Variants in NXT2 observed in about 807,000 individuals in gnomAD.
NXT2 encodes the protein nuclear transport factor 2 like export factor 2.
Under a neutral mutation model 9.6 loss-of-function variants are expected in NXT2, and 1 was observed. The ratio of observed to expected loss-of-function variants is 0.10; its 90% CI spans 0.04 to 0.49. NXT2 has a LOEUF of 0.49. NXT2 is among the 20% of genes least tolerant of loss of function. NXT2 has a pLI of 0.95. For synonymous variants in NXT2, 22 were observed against 35.4 expected (o/e 0.62, Z 1.34); for missense variants, 48 against 100.3 (o/e 0.48, Z 2.23).
At chrX:109,537,707 G>T (rs1452668245) in intron 1 of NXT2, among the ~76,000 whole-genome samples, 1 of 111,166 alleles carries the variant, frequency 9.0e-6, no homozygotes, top group Non-Finnish European at 1.9e-5. Context: ...AGGTTCAGGT[G>T]GTGTCATTTT....
At position 109,536,873 on chromosome X, in the gene NXT2, A is replaced by C. The variant is rs1933285083; in HGVS notation, c.-134A>C. Reference sequence around the variant, plus strand: ...CGAGCTACTTCCGGGAGAGAATGGGAGGGTGGAAAATTTTGTGCGTTTGGC... The same window carrying C: ...CGAGCTACTTCCGGGAGAGAATGGGCGGGTGGAAAATTTTGTGCGTTTGGC... On this transcript the variant is annotated 5_prime_UTR_variant, in exon 1 of 4. Coordinates refer to ENST00000372106, the MANE Select transcript of NXT2 (RefSeq NM_001242617.2). The C allele has an allele frequency of 5.1e-6, 6 of 1,173,509 alleles. 1 individual carries two copies. The highest frequency in any genetic ancestry group is 4.7e-5 in the Admixed American group (2 of 42,381).
At chrX:109,541,400 T>C (rs1288091917) in intron 2 of NXT2, 75 bp from the exon 3 acceptor site, 1 of 944,536 alleles carries the variant, frequency 1.1e-6, no homozygotes, top group African/African-American at 2.0e-5. Flanking sequence ...ATCTGTAATA[T>C]TTTAATCCAT....
chrX:109,539,030 A>C (rs994878110), intron 2 of NXT2, among the ~76,000 whole-genome samples: 8 of 108,546 alleles, frequency 7.4e-5, no homozygotes, highest in African/African-American at 2.7e-4. Flanking sequence ...CTAGCCCCCC[A>C]CCCCCTGACA....
At chrX:109,536,127 C>A (rs986273363), upstream of NXT2, 1 of 426,286 alleles carries the variant, frequency 2.3e-6, no homozygotes, top group Non-Finnish European at 4.1e-6. Flanking sequence ...AGTTTGTGAC[C>A]GTAGGCAGAT....
chrX:109,537,910 A>C, intron 1 of NXT2, 135 bp from the exon 2 acceptor site: 1 of 388,130 alleles, frequency 2.6e-6, no homozygotes, highest in Non-Finnish European at 4.5e-6. Context: ...AAATGTCTGA[A>C]TTTATATGAA....
chrX:109,536,969 C>T lies in NXT2; in HGVS notation c.-38C>T, dbSNP rs752636225. 15 of 1,211,675 alleles carry T rather than the reference C, an allele frequency of 1.2e-5. No homozygotes were observed. Among genetic ancestry groups the T allele is most frequent in the Non-Finnish European group, 1.2e-5 (11 of 895,432 alleles). On this transcript the variant is annotated 5_prime_UTR_variant, in exon 1 of 4. In the 5' UTR this introduces an upstream ATG that the reference lacks. Coordinates refer to ENST00000372106, the MANE Select transcript of NXT2 (RefSeq NM_001242617.2). ...GACCGGACACGTGAGGAGGTAGTGA[C>T]GCCGACACTGCCAGAACACACTGCT...
chrX:109,536,712 G>T, upstream of NXT2: 1 of 577,010 alleles, frequency 1.7e-6, no homozygotes, highest in Non-Finnish European at 2.5e-6. Context: ...TGAGTATCAT[G>T]TTTACAAAAG....
intron 2 of NXT2, among the ~76,000 whole-genome samples, chrX:109,539,247 C>T (rs968836864): frequency 2.7e-5 from 3 of 112,136 alleles, no homozygotes; most frequent in African/African-American, 9.7e-5. Context: ...TGTATATGTG[C>T]CACATTTTCT....
chrX:109,536,365 G>A (rs1419622634), upstream of NXT2, among the ~76,000 whole-genome samples: 1 of 112,776 alleles, frequency 8.9e-6, no homozygotes, highest in Non-Finnish European at 1.9e-5. Context: ...ATTTTAAAAT[G>A]CCAGAATGGA....
rs944035603 is a variant in NXT2 at position 109,537,703 on chromosome X, A to G, written c.16-342A>G. Among the ~76,000 whole-genome samples the G allele has an allele frequency of 3.6e-5, 4 of 111,500 alleles. No homozygotes were observed. In the Admixed American group the frequency reaches 3.8e-4, roughly 11 times the overall value. On this transcript the variant is annotated intron_variant, in intron 1 of 3. Transcript: ENST00000372106. ...CGCTCTCTCTCCTTTTCTAAGGTTC[A>G]GGTGGTGTCATTTTCATTGCCGTGA...
intron 1 of NXT2, among the ~76,000 whole-genome samples, 199 bp from the exon 2 acceptor site, chrX:109,537,846 C>G (rs1421989896): frequency 8.9e-6 from 1 of 112,116 alleles, no homozygotes; most frequent in African/African-American, 3.2e-5. Context: ...TAAAGACATG[C>G]ACTTAAAATT....
intron 1 of NXT2, among the ~76,000 whole-genome samples, chrX:109,537,639 A>G (rs1292481719): frequency 9.0e-6 from 1 of 111,707 alleles, no homozygotes; most frequent in Non-Finnish European, 1.9e-5. Flanking sequence ...ACTTGAAAAC[A>G]GAAAACAATT....
Position 109,537,002 on chromosome X carries a change from C to T in NXT2, c.-5C>T. ...CTGCCAGAACACACTGCTACAAGGT[C>T]CCAGATGGCCACGTCTCTGGTGAGT... On this transcript the variant is annotated 5_prime_UTR_variant, in exon 1 of 4. Transcript: ENST00000372106. 1 of 1,211,212 alleles carries T rather than the reference C, an allele frequency of 8.3e-7. No individual in the cohort carries two copies. The highest frequency in any genetic ancestry group is 2.2e-5 in the Admixed American group (1 of 46,059).
In NXT2 at chrX:109,536,972, C is replaced by G; in HGVS notation, c.-35C>G. 8.3e-7 allele frequency: 1 copy of G among 1,211,674 alleles called. No homozygotes were observed. The highest frequency in any genetic ancestry group is 1.1e-6 in the Non-Finnish European group (1 of 895,418). On this transcript the variant is annotated 5_prime_UTR_variant, in exon 1 of 4. Transcript: ENST00000372106. ...CGGACACGTGAGGAGGTAGTGACGC[C>G]GACACTGCCAGAACACACTGCTACA...
chrX:109,542,244 T>C lies in NXT2; in HGVS notation c.248-263T>C, dbSNP rs1425105409. On this transcript the variant is annotated intron_variant, in intron 3 of 3. Coordinates refer to ENST00000372106, the MANE Select transcript of NXT2 (RefSeq NM_001242617.2). ...AATATTTATATATATATGAAGCAAA[T>C]GGTCCTATGCTAGATATAAGCTCCT... 1.9e-4 allele frequency among the ~76,000 whole-genome samples: 21 copies of C among 111,356 alleles called. 3 individuals are homozygous for C. The South Asian group carries it at 2.2e-3, about 12-fold the overall frequency.
In NXT2 at chrX:109,538,028, TG is replaced by T; in HGVS notation, c.16-15del. 1 of 1,123,832 alleles carries T rather than the reference TG, an allele frequency of 8.9e-7. No homozygotes were observed. The highest frequency in any genetic ancestry group is 1.2e-6 in the Non-Finnish European group (1 of 817,313). The allele number at this position is 1,123,832 out of a possible 1,213,427, so 92.6% of individuals were successfully genotyped here. A position where few individuals can be genotyped will look rare whatever the true frequency, so the allele number is the denominator to read the frequency against. On this transcript the variant is annotated splice_polypyrimidine_tract_variant and intron_variant, in intron 1 of 3. Transcript: ENST00000372106. ...TGAAAAGGTTGGTAATCTATACTTCTGGAATTTTTCTTGTAGGATTTTAAAA... is the reference window on the plus strand; with the variant it reads ...TGAAAAGGTTGGTAATCTATACTTCTGAATTTTTCTTGTAGGATTTTAAAA...
upstream of NXT2, chrX:109,535,893 A>G: frequency 8.4e-7 from 1 of 1,194,206 alleles, no homozygotes; most frequent in Non-Finnish European, 1.1e-6. Context: ...ATGAGAAAAT[A>G]CAGAAGCCAC....
intron 2 of NXT2, among the ~76,000 whole-genome samples, chrX:109,540,484 C>T (rs912538469): frequency 1.9e-4 from 21 of 109,227 alleles, no homozygotes; most frequent in African/African-American, 6.0e-4. Flanking sequence ...ACTGCCACCA[C>T]GCCCGGCTAA....
chrX:109,537,444 AC>A lies in NXT2; in HGVS notation c.15+424del, dbSNP rs753208377. On this transcript the variant is annotated intron_variant, in intron 1 of 3. Transcript: ENST00000372106. Reference sequence around the variant, plus strand: ...CCTTAATTCTCCGGCACGAACGCCAACAGCGTTGCTTTCTTCGGTGTCACAG... The same window carrying A: ...CCTTAATTCTCCGGCACGAACGCCAAAGCGTTGCTTTCTTCGGTGTCACAG... The A allele has an allele frequency of 6.4e-5, 43 of 671,796 alleles. No individual in the cohort carries two copies. In the African/African-American group the frequency reaches 9.8e-4, roughly 15 times the overall value. The allele number at this position is 671,796 out of a possible 1,213,427, so 55.4% of individuals were successfully genotyped here. A position where few individuals can be genotyped will look rare whatever the true frequency, so the allele number is the denominator to read the frequency against.
Sources: allele counts gnomAD v4.1 joint callset (sites outside exome capture counted in the v4.1 genomes callset), GRCh38; gene constraint gnomAD v4.1.1; transcripts MANE v1.5; gene names NCBI Gene and HGNC (gene_info 2026-07-23, HGNC 2026-07-21).